FGF5: variants seen among roughly 807,000 people sequenced by gnomAD.
FGF5 encodes the protein heparin-binding growth factor 5.
FGF5 carries 23 observed loss-of-function variants against 21.8 expected under a neutral mutation model. The ratio of observed to expected loss-of-function variants is 1.05; its 90% CI spans 0.76 to 1.49. The LOEUF (loss-of-function observed/expected upper bound fraction) is 1.49. FGF5 is among the 40% of genes most tolerant of loss of function. The pLI is 0.00. For missense variants in FGF5, 352 were observed against 332.9 expected, an observed-to-expected ratio of 1.06 and a Z score of -0.45; for synonymous variants, 158 against 124.0, an observed-to-expected ratio of 1.27 and a Z score of -1.82.
chr4:80,267,304 A>T, intron 1 of FGF5, 125 bp downstream of exon 1: 1 of 741,342 alleles, frequency 1.3e-6, no homozygotes, highest in Non-Finnish European at 2.2e-6. Flanking sequence ...CCAAGCTGAT[A>T]CTCAGAAACA....
intron 1 of FGF5, among the ~76,000 whole-genome samples, chr4:80,274,599 T>G (rs1359552032): frequency 6.6e-6 from 1 of 152,146 alleles, no homozygotes; most frequent in Admixed American, 6.5e-5. Flanking sequence ...TTTAAATGTC[T>G]TTTTAATTTC....
chr4:80,284,200 G>A (rs552170964), intron 2 of FGF5, among the ~76,000 whole-genome samples: 7 of 152,234 alleles, frequency 4.6e-5, no homozygotes, highest in Admixed American at 3.9e-4. Flanking sequence ...TTGGGAGGCC[G>A]AGGCAGGCAG....
At chr4:80,267,690 G>A (rs1356652965) in intron 1 of FGF5, among the ~76,000 whole-genome samples, 4 of 147,074 alleles carry the variant, frequency 2.7e-5, no homozygotes, top group Non-Finnish European at 4.4e-5. Context: ...ATATGTATAT[G>A]TATATATGTA....
Position 80,288,882 on chromosome 4 carries a change from A to G in FGF5, c.*2210A>G, listed in dbSNP as rs778980806. The G allele has an allele frequency of 2.0e-5, 3 of 152,626 alleles. No individual in the cohort carries two copies. The highest frequency in any genetic ancestry group is 2.9e-5 in the Non-Finnish European group (2 of 68,032). 9.5% of individuals were successfully genotyped at this position (152,626 alleles called of 1,614,324 possible). On this transcript the variant is annotated 3_prime_UTR_variant, in exon 3 of 3. Coordinates refer to ENST00000312465, the MANE Select transcript of FGF5 (RefSeq NM_004464.4). ...AACGTGAAAGTAGGATAGCTACTAA[A>G]TATATATTATGCAAGTCAGGAATCA...
chr4:80,279,811 G>A (rs1051392548), intron 2 of FGF5, among the ~76,000 whole-genome samples: 1 of 152,192 alleles, frequency 6.6e-6, no homozygotes, highest in African/African-American at 2.4e-5. Context: ...AGCATGTGGT[G>A]GAATTATTTT....
chr4:80,271,935 A>G (rs1040947195), intron 1 of FGF5, among the ~76,000 whole-genome samples: 19 of 152,224 alleles, frequency 1.2e-4, no homozygotes, highest in Non-Finnish European at 8.8e-5. Context: ...GATTTGTCAT[A>G]GCAAAATCAA....
At chr4:80,283,786 A>G (rs931029420) in intron 2 of FGF5, among the ~76,000 whole-genome samples, 2 of 152,104 alleles carry the variant, frequency 1.3e-5, no homozygotes, top group Non-Finnish European at 2.9e-5. Flanking sequence ...GAAAAAAAAA[A>G]CCCGAGACAA....
intron 2 of FGF5, among the ~76,000 whole-genome samples, 153 bp downstream of exon 2, chr4:80,275,165 G>A (rs111853474): frequency 1.4e-4 from 22 of 151,930 alleles, no homozygotes; most frequent in African/African-American, 3.6e-4. Context: ...AATTTTGTGC[G>A]CTTCCAGAAG....
Position 80,267,078 on chromosome 4 carries a change from G to C in FGF5, c.254G>C (p.Gly85Ala), listed in dbSNP as rs528985627. Residue 85 changes from glycine to alanine, a missense_variant, in exon 1 of 3, where the codon GGG becomes GCG. Physicochemically the swap from Gly to Ala is moderately conservative, Grantham distance 60 (BLOSUM62 0). Coordinates refer to ENST00000312465, the MANE Select transcript of FGF5 (RefSeq NM_004464.4). Reference protein sequence around the residue: ...EQSSFQWSPSGRRTGSLYCRV... With the variant: ...EQSSFQWSPSARRTGSLYCRV... ...AGCAGTTTCCAGTGGAGCCCCTCGG[G>C]GCGCCGGACCGGCAGCCTCTACTGC... The C allele has an allele frequency of 6.8e-6, 11 of 1,614,100 alleles. No homozygotes were observed. Among genetic ancestry groups the C allele is most frequent in the Admixed American group, 3.3e-5 (2 of 60,014 alleles).
At chr4:80,275,209 A>AT (rs1187154658) in intron 2 of FGF5, among the ~76,000 whole-genome samples, 197 bp downstream of exon 2, 1 of 152,062 alleles carries the variant, frequency 6.6e-6, no homozygotes, top group Non-Finnish European at 1.5e-5. Flanking sequence ...CTTAAAAGAT[A>AT]TTACAGAGTC....
At chr4:80,285,466 C>T (rs1474500938) in intron 2 of FGF5, among the ~76,000 whole-genome samples, 1 of 152,152 alleles carries the variant, frequency 6.6e-6, no homozygotes, top group Non-Finnish European at 1.5e-5. Context: ...TCAAATGTCA[C>T]CTTTTATAGG....
At chr4:80,283,119 T>C (rs1429096704) in intron 2 of FGF5, among the ~76,000 whole-genome samples, 1 of 152,220 alleles carries the variant, frequency 6.6e-6, no homozygotes, top group Non-Finnish European at 1.5e-5. Flanking sequence ...GATTCTGTGT[T>C]CCATCACAGC....
At chr4:80,276,549 A>G (rs35400628) in intron 2 of FGF5, among the ~76,000 whole-genome samples, 1,656 of 152,042 alleles carry the variant, frequency 0.011, 21 homozygotes, top group African/African-American at 0.037. Flanking sequence ...TGGTTACATG[A>G]AAAAGTTCTT....
At chr4:80,276,240 ATC>A (rs1356121516) in intron 2 of FGF5, among the ~76,000 whole-genome samples, 1 of 151,942 alleles carries the variant, frequency 6.6e-6, no homozygotes, top group Non-Finnish European at 1.5e-5. Flanking sequence ...AGGGTTAACA[ATC>A]TAAATATAAT....
intron 2 of FGF5, among the ~76,000 whole-genome samples, chr4:80,285,131 G>C (rs1720672489): frequency 6.6e-6 from 1 of 152,154 alleles, no homozygotes; most frequent in African/African-American, 2.4e-5. Context: ...CTAAGGCTAA[G>C]AGCTTAATTG....
At chr4:80,270,806 T>G (rs1404465490) in intron 1 of FGF5, among the ~76,000 whole-genome samples, 1 of 152,226 alleles carries the variant, frequency 6.6e-6, no homozygotes, top group African/African-American at 2.4e-5. Context: ...CAAGCACATA[T>G]TTTGGTTAAT....
At chr4:80,279,222 T>C (rs569617204) in intron 2 of FGF5, among the ~76,000 whole-genome samples, 1 of 152,316 alleles carries the variant, frequency 6.6e-6, no homozygotes, top group South Asian at 2.1e-4. Context: ...ACTTCATCTT[T>C]CTATTCCTTG....
At position 80,266,923 on chromosome 4, in the gene FGF5, A is replaced by G. The variant is rs756297312; in HGVS notation, c.99A>G (p.Gly33=). 71 of 1,613,896 alleles carry G rather than the reference A, an allele frequency of 4.4e-5. No individual in the cohort carries two copies. Among genetic ancestry groups the G allele is most frequent in the Non-Finnish European group, 5.8e-5 (69 of 1,179,970 alleles). The change falls in exon 1 of 3, where the codon GGA becomes GGG. Residue 33 remains glycine (G), a synonymous_variant. Coordinates refer to ENST00000312465, the MANE Select transcript of FGF5 (RefSeq NM_004464.4). ...EKRLAPKGQP[G]PAATDRNPRG... ...GTCTCGCCCCCAAAGGGCAACCCGG[A>G]CCCGCTGCCACTGATAGGAACCCTA...
In FGF5 at chr4:80,266,888, G is replaced by A; in HGVS notation, c.64G>A (p.Gly22Arg). The part of the protein sequence containing the change: ...SHLILSAWAH[G>R]EKRLAPKGQP... ...CCTGATCCTCAGCGCCTGGGCTCAC[G>A]GGGAGAAGCGTCTCGCCCCCAAAGG... The change falls in exon 1 of 3, where the codon GGG becomes AGG. Residue 22 changes from glycine to arginine, a missense_variant. Physicochemically the swap from Gly to Arg is moderately radical, Grantham distance 125. Coordinates refer to ENST00000312465, the MANE Select transcript of FGF5 (RefSeq NM_004464.4). The A allele has an allele frequency of 6.2e-7, 1 of 1,613,250 alleles. No homozygotes were observed. The highest frequency in any genetic ancestry group is 8.5e-7 in the Non-Finnish European group (1 of 1,179,616).
Sources: gnomAD v4.1 joint callset for allele counts (sites outside exome capture counted in the v4.1 genomes callset) on GRCh38, gnomAD v4.1.1 for gene constraint, MANE v1.5 for transcripts, NCBI Gene and HGNC (gene_info 2026-07-23, HGNC 2026-07-21) for gene names.